The following MEIS2 variants were observed in gnomAD, a reference collection of about 807,000 sequenced individuals.
MEIS2 encodes Meis homeobox 2.
A neutral mutation model predicts 58.6 loss-of-function variants in MEIS2; 9 were observed. The ratio of observed to expected loss-of-function variants is 0.15; its 90% CI spans 0.09 to 0.27. MEIS2 has a LOEUF of 0.27. MEIS2 is among the 10% of genes least tolerant of loss of function. MEIS2 has a pLI of 1.00. For synonymous variants in MEIS2, 221 were observed against 228.4 expected (o/e 0.97, Z 0.29); for missense variants, 427 against 635.0 (o/e 0.67, Z 3.52).
intron 8 of MEIS2, among the ~76,000 whole-genome samples, chr15:37,006,650 C>A (rs906636762): frequency 2.6e-5 from 4 of 151,602 alleles, no homozygotes; most frequent in African/African-American, 9.6e-5. Flanking sequence ...CCTCAAAAAT[C>A]TTCCCTCTTA....
At chr15:37,097,627 C>T (rs1376380159) in intron 2 of MEIS2, among the ~76,000 whole-genome samples, 1 of 152,202 alleles carries the variant, frequency 6.6e-6, no homozygotes, top group African/African-American at 2.4e-5. Flanking sequence ...TCGTCAAGGC[C>T]TCTGTTAGGG....
At chr15:37,022,662 CAG>C (rs1421641558) in intron 8 of MEIS2, among the ~76,000 whole-genome samples, 2 of 151,990 alleles carry the variant, frequency 1.3e-5, no homozygotes, top group African/African-American at 2.4e-5. Flanking sequence ...TTTTTTGAGA[CAG>C]AGTCTTGCTC....
chr15:36,922,805 A>G (rs1392613567), intron 9 of MEIS2, among the ~76,000 whole-genome samples: 1 of 149,350 alleles, frequency 6.7e-6, no homozygotes, highest in African/African-American at 2.5e-5. Context: ...TTTTTTAGAG[A>G]TGGGGTTTCA....
At chr15:37,070,563 T>C (rs1209623198) in intron 7 of MEIS2, among the ~76,000 whole-genome samples, 1 of 152,188 alleles carries the variant, frequency 6.6e-6, no homozygotes, top group Non-Finnish European at 1.5e-5. Context: ...GATACCCTGC[T>C]CTACTGCAGC....
At chr15:36,993,806 T>C (rs559971386) in intron 8 of MEIS2, among the ~76,000 whole-genome samples, 43 of 152,124 alleles carry the variant, frequency 2.8e-4, no homozygotes, top group Non-Finnish European at 5.2e-4. Context: ...TCTACTGAGG[T>C]TCTTACAGAA....
chr15:37,097,045 C>T (rs1395900354), intron 2 of MEIS2, among the ~76,000 whole-genome samples: 1 of 152,198 alleles, frequency 6.6e-6, no homozygotes, highest in Non-Finnish European at 1.5e-5. Context: ...AGGAAGGTTA[C>T]ACACTGGAGA....
chr15:36,898,993 T>C (rs902498360), intron 9 of MEIS2, among the ~76,000 whole-genome samples: 26 of 152,342 alleles, frequency 1.7e-4, no homozygotes, highest in African/African-American at 6.3e-4. Context: ...CTTTACCCAC[T>C]TCTCCTAAGC....
chr15:37,023,311 CTATATT>C (rs1323569665), intron 8 of MEIS2, among the ~76,000 whole-genome samples: 8 of 152,022 alleles, frequency 5.3e-5, no homozygotes, highest in Non-Finnish European at 1.0e-4. Context: ...AAATTTCTTT[CTATATT>C]TGGGTTGATT....
At chr15:37,025,476 C>T (rs2141690194) in intron 8 of MEIS2, among the ~76,000 whole-genome samples, 1 of 152,134 alleles carries the variant, frequency 6.6e-6, no homozygotes. Flanking sequence ...GAAATGTTTG[C>T]TTTTATCAAC....
intron 11 of MEIS2, chr15:36,894,542 C>T (rs956145805): frequency 3.4e-5 from 17 of 495,244 alleles, no homozygotes; most frequent in African/African-American, 2.9e-4. Flanking sequence ...TTCAAAAGTG[C>T]ACATCAGTGT....
chr15:37,074,672 G>A (rs1891146286), intron 7 of MEIS2, among the ~76,000 whole-genome samples: 1 of 151,970 alleles, frequency 6.6e-6, no homozygotes, highest in African/African-American at 2.4e-5. Context: ...TCCAGGCAAT[G>A]TTATTTGCTG....
chr15:37,094,709 A>T (rs1009493112), intron 4 of MEIS2, 132 bp from the exon 5 acceptor site: 6 of 653,810 alleles, frequency 9.2e-6, no homozygotes, highest in Non-Finnish European at 1.6e-5. Flanking sequence ...GGCCAGGAAA[A>T]ACTTAAACAT....
At chr15:36,957,226 C>A (rs1406154628) in intron 8 of MEIS2, among the ~76,000 whole-genome samples, 4 of 152,064 alleles carry the variant, frequency 2.6e-5, no homozygotes, top group Non-Finnish European at 4.4e-5. Flanking sequence ...TAAATTTTAG[C>A]ATGTTTTTTG....
chr15:37,093,307 A>T (rs572110776), intron 6 of MEIS2, among the ~76,000 whole-genome samples: 2 of 152,314 alleles, frequency 1.3e-5, no homozygotes, highest in South Asian at 4.2e-4. Flanking sequence ...CGAACACCCA[A>T]GTCACCAAAT....
At chr15:36,898,058 G>A (rs972580573) in intron 9 of MEIS2, 2 of 152,176 alleles carry the variant, frequency 1.3e-5, no homozygotes, top group African/African-American at 4.8e-5. Flanking sequence ...TGCATATGGT[G>A]TTTGTTTGCA....
chr15:37,021,897 G>A (rs548525292), intron 8 of MEIS2, among the ~76,000 whole-genome samples: 25 of 151,802 alleles, frequency 1.6e-4, no homozygotes, highest in South Asian at 4.2e-4. Context: ...TGCCTTACCC[G>A]GTTTACTTTG....
At chr15:36,942,940 G>A (rs1307957857) in intron 9 of MEIS2, among the ~76,000 whole-genome samples, 2 of 151,882 alleles carry the variant, frequency 1.3e-5, no homozygotes, top group Non-Finnish European at 1.5e-5. Flanking sequence ...TTCTAATTTA[G>A]GGGCTTGTTT....
chr15:37,098,268 G>C, intron 1 of MEIS2, 69 bp from the exon 2 acceptor site: 1 of 1,461,750 alleles, frequency 6.8e-7, no homozygotes, highest in Non-Finnish European at 9.1e-7. Flanking sequence ...GGTGGAAAGG[G>C]AAAAAGAGCA....
At chr15:36,919,967 A>G (rs186176290) in intron 9 of MEIS2, among the ~76,000 whole-genome samples, 75 of 152,226 alleles carry the variant, frequency 4.9e-4, no homozygotes, top group African/African-American at 1.7e-3. Flanking sequence ...AGAACAACAT[A>G]CCCTTCTAGT....
Sources: allele counts gnomAD v4.1 joint callset (sites outside exome capture counted in the v4.1 genomes callset), GRCh38; gene constraint gnomAD v4.1.1; transcripts MANE v1.5; gene names NCBI Gene and HGNC (gene_info 2026-07-23, HGNC 2026-07-21).